ADCY5: variants seen among roughly 807,000 people sequenced by gnomAD.
ADCY5 encodes adenylate cyclase 5, also known as adenylate cyclase type 5.
Under a neutral mutation model 119.7 loss-of-function variants are expected in ADCY5, and 30 were observed. The ratio of observed to expected loss-of-function variants is 0.25; its 90% CI spans 0.19 to 0.34. The LOEUF (loss-of-function observed/expected upper bound fraction) is 0.34, where lower values mean the gene tolerates loss of function less well. ADCY5 is among the 10% of genes least tolerant of loss of function. ADCY5 has a pLI of 1.00. For missense variants in ADCY5, 1,324 were observed against 1,775.2 expected (o/e 0.75, Z 4.57); for synonymous variants, 753 against 762.2 (o/e 0.99, Z 0.20).
At chr3:123,294,446 G>A (rs1261560434) in intron 17 of ADCY5, among the ~76,000 whole-genome samples, 2 of 152,260 alleles carry the variant, frequency 1.3e-5, no homozygotes, top group East Asian at 3.9e-4. Context: ...TGGTTGAGCA[G>A]GCCATCAGGG....
intron 1 of ADCY5, among the ~76,000 whole-genome samples, chr3:123,441,148 G>C (rs41435846): frequency 0.27 from 41,602 of 151,990 alleles, 6,650 homozygotes; most frequent in Non-Finnish European, 0.35. Context: ...CCAAACCTAA[G>C]AGCTGGTCAT....
chr3:123,315,093 C>G (rs938438024), intron 11 of ADCY5, among the ~76,000 whole-genome samples: 1 of 152,208 alleles, frequency 6.6e-6, no homozygotes, highest in Non-Finnish European at 1.5e-5. Context: ...CCTCCTGGGG[C>G]AAGGGCTGGC....
chr3:123,343,408 C>T (rs563626003), intron 3 of ADCY5, among the ~76,000 whole-genome samples: 4 of 152,236 alleles, frequency 2.6e-5, no homozygotes, highest in African/African-American at 7.2e-5. Context: ...ACTGAGGCTC[C>T]GATTAGGTGC....
chr3:123,325,937 C>G (rs1244586443), intron 7 of ADCY5, among the ~76,000 whole-genome samples: 2 of 152,208 alleles, frequency 1.3e-5, no homozygotes, highest in Non-Finnish European at 2.9e-5. Context: ...GGCAGCCAGG[C>G]CAACTCATAC....
chr3:123,342,842 C>T (rs2108457411), intron 3 of ADCY5, among the ~76,000 whole-genome samples: 1 of 152,316 alleles, frequency 6.6e-6, no homozygotes, highest in South Asian at 2.1e-4. Flanking sequence ...TTCTCTGGCC[C>T]CTGAAACCTT....
intron 1 of ADCY5, among the ~76,000 whole-genome samples, chr3:123,353,697 A>T (rs1942932736): frequency 6.6e-6 from 1 of 152,044 alleles, no homozygotes; most frequent in African/African-American, 2.4e-5. Flanking sequence ...TTGGATCCCA[A>T]AGAGTCTTGC....
At chr3:123,288,370 G>A (rs1938919068) in intron 19 of ADCY5, among the ~76,000 whole-genome samples, 1 of 152,220 alleles carries the variant, frequency 6.6e-6, no homozygotes, top group Admixed American at 6.5e-5. Flanking sequence ...TTGATGGCTT[G>A]AAACATACCC....
intron 3 of ADCY5, among the ~76,000 whole-genome samples, chr3:123,336,006 G>C (rs902790801): frequency 1.3e-5 from 2 of 152,246 alleles, no homozygotes; most frequent in African/African-American, 4.8e-5. Context: ...TATCCTGCCA[G>C]GCCAGGGGAC....
At chr3:123,368,822 C>T (rs961699328) in intron 1 of ADCY5, among the ~76,000 whole-genome samples, 4 of 151,198 alleles carry the variant, frequency 2.6e-5, no homozygotes, top group Non-Finnish European at 4.4e-5. Context: ...TTATCCAGGA[C>T]AGAGGCTAAC....
At chr3:123,390,668 C>T (rs1944378477) in intron 1 of ADCY5, among the ~76,000 whole-genome samples, 1 of 152,228 alleles carries the variant, frequency 6.6e-6, no homozygotes, top group South Asian at 2.1e-4. Flanking sequence ...TGGGGCGTGG[C>T]AGATGTGAGT....
In ADCY5 at chr3:123,332,556, T is replaced by A; in HGVS notation, c.1518+8A>T. On this transcript the variant is annotated splice_region_variant and intron_variant, in intron 4 of 20. Transcript: ENST00000462833. ...GGCCACCCCAACCCCCGGCTCAGGG[T>A]GACTCACTGCGGCCAGCTTGTCAAA... The A allele has an allele frequency of 1.2e-6, 2 of 1,605,382 alleles. No homozygotes were observed. Among genetic ancestry groups the A allele is most frequent in the Non-Finnish European group, 1.7e-6 (2 of 1,173,170 alleles).
intron 1 of ADCY5, among the ~76,000 whole-genome samples, chr3:123,364,618 C>A (rs1461514142): frequency 6.6e-6 from 1 of 151,878 alleles, no homozygotes; most frequent in Non-Finnish European, 1.5e-5. Context: ...ATGGCCAGAT[C>A]ATGAAAGAAT....
intron 1 of ADCY5, among the ~76,000 whole-genome samples, chr3:123,369,744 C>A (rs955261983): frequency 6.6e-6 from 1 of 152,222 alleles, no homozygotes; most frequent in Non-Finnish European, 1.5e-5. Context: ...GCTCAACAAA[C>A]TCCTCTGCTC....
intron 3 of ADCY5, among the ~76,000 whole-genome samples, chr3:123,335,686 C>A (rs1420355845): frequency 6.6e-6 from 1 of 152,132 alleles, no homozygotes; most frequent in African/African-American, 2.4e-5. Flanking sequence ...TCACTCTCAG[C>A]AGCTTCTCAC....
intron 1 of ADCY5, among the ~76,000 whole-genome samples, chr3:123,367,344 G>A (rs1943480769): frequency 6.6e-6 from 1 of 152,214 alleles, no homozygotes; most frequent in Non-Finnish European, 1.5e-5. Context: ...CAGGGAAGCT[G>A]ATGATGCTTC....
intron 7 of ADCY5, among the ~76,000 whole-genome samples, chr3:123,326,575 A>T (rs774670069): frequency 6.6e-6 from 1 of 152,172 alleles, no homozygotes; most frequent in African/African-American, 2.4e-5. Context: ...AGATGTGGGT[A>T]AAGAGCCTGG....
At position 123,418,669 on chromosome 3, in the gene ADCY5, A is replaced by G. The variant is rs1357455285; in HGVS notation, c.1134+28743T>C. 2.0e-5 allele frequency: 3 copies of G among 152,182 alleles called. No homozygotes were observed. The East Asian group carries it at 5.8e-4, about 29-fold the overall frequency. The allele number at this position is 152,182 out of a possible 1,614,324, so 9.4% of individuals were successfully genotyped here. ...AGTCATTCCTGAGGGATCTGACCCC[A>G]TGACCCACACACCTTCCACTAGGCC... On this transcript the variant is annotated intron_variant, in intron 1 of 20. Coordinates refer to ENST00000462833, the MANE Select transcript of ADCY5 (RefSeq NM_183357.3).
chr3:123,319,306 A>G (rs58306477), intron 10 of ADCY5, among the ~76,000 whole-genome samples: 12,132 of 149,934 alleles, frequency 0.081, 1,299 homozygotes, highest in African/African-American at 0.23. Context: ...GTGAGCCAAG[A>G]TCAAGCCACT....
intron 1 of ADCY5, among the ~76,000 whole-genome samples, chr3:123,384,510 C>A (rs1424519474): frequency 6.6e-6 from 1 of 152,192 alleles, no homozygotes; most frequent in South Asian, 2.1e-4. Context: ...ATATACATTA[C>A]CTCGGGCTCT....
Sources: allele counts gnomAD v4.1 joint callset (sites outside exome capture counted in the v4.1 genomes callset), GRCh38; gene constraint gnomAD v4.1.1; transcripts MANE v1.5; gene names NCBI Gene and HGNC (gene_info 2026-07-23, HGNC 2026-07-21).